The following PPTC7 variants were observed in gnomAD, a reference collection of about 807,000 sequenced individuals.
PPTC7 encodes the protein protein phosphatase targeting COQ7, also known as protein phosphatase PTC7 homolog.
Under a neutral mutation model 30.8 loss-of-function variants are expected in PPTC7, and 6 were observed. The observed-to-expected ratio is 0.19, with a 90% CI of 0.11 to 0.38. The LOEUF (loss-of-function observed/expected upper bound fraction) is 0.38. Ranked by LOEUF, PPTC7 falls within the 10% of genes least tolerant of loss-of-function variation. The pLI, the probability that PPTC7 is intolerant of heterozygous loss-of-function variation, is 1.00. For missense variants in PPTC7, 218 were observed against 404.8 expected (o/e 0.54, Z 3.96); for synonymous variants, 163 against 168.1 (o/e 0.97, Z 0.23).
chr12:110,547,023 C>A (rs1164017453), intron 2 of PPTC7, among the ~76,000 whole-genome samples: 2 of 152,148 alleles, frequency 1.3e-5, no homozygotes, highest in Non-Finnish European at 2.9e-5. Flanking sequence ...TAAAAGTAAA[C>A]AACTTTCCTG....
intron 1 of PPTC7, among the ~76,000 whole-genome samples, chr12:110,570,779 G>A (rs1231625855): frequency 6.7e-6 from 1 of 148,204 alleles, no homozygotes; most frequent in Non-Finnish European, 1.5e-5. Flanking sequence ...CCCCACAATT[G>A]TCTTGTGACC....
chr12:110,572,642 A>C (rs2064547866), intron 1 of PPTC7, among the ~76,000 whole-genome samples: 1 of 152,180 alleles, frequency 6.6e-6, no homozygotes, highest in Non-Finnish European at 1.5e-5. Flanking sequence ...GTCTCTGGCA[A>C]AGTTTTTGCA....
chr12:110,559,953 C>T (rs1347150906), intron 1 of PPTC7, among the ~76,000 whole-genome samples: 1 of 152,090 alleles, frequency 6.6e-6, no homozygotes, highest in East Asian at 1.9e-4. Context: ...GTCTTGAACT[C>T]CTAGGCTGAA....
intron 1 of PPTC7, among the ~76,000 whole-genome samples, chr12:110,575,663 T>C (rs980339235): frequency 8.1e-5 from 11 of 136,292 alleles, no homozygotes; most frequent in African/African-American, 2.9e-4. Context: ...ATCTGTAATC[T>C]ACCTTCTGCT....
intron 2 of PPTC7, among the ~76,000 whole-genome samples, chr12:110,550,712 A>C (rs911157783): frequency 5.3e-5 from 8 of 152,216 alleles, no homozygotes; most frequent in Non-Finnish European, 1.0e-4. Context: ...AGGATGCTCC[A>C]TTAGCATACC....
intron 1 of PPTC7, among the ~76,000 whole-genome samples, chr12:110,577,579 TATG>T (rs550956300): frequency 6.6e-6 from 1 of 152,214 alleles, no homozygotes; most frequent in Non-Finnish European, 1.5e-5. Flanking sequence ...ATTTTGTTCA[TATG>T]ATCTTTACAC....
chr12:110,558,393 T>C (rs1397582148), intron 1 of PPTC7, among the ~76,000 whole-genome samples: 1 of 152,206 alleles, frequency 6.6e-6, no homozygotes, highest in East Asian at 1.9e-4. Flanking sequence ...GGGCCTTGAA[T>C]GCCAAGATAA....
At chr12:110,566,082 T>C (rs2064480595) in intron 1 of PPTC7, among the ~76,000 whole-genome samples, 1 of 152,114 alleles carries the variant, frequency 6.6e-6, no homozygotes, top group South Asian at 2.1e-4. Context: ...GACCTCCAGG[T>C]AAATGTCTAT....
At chr12:110,543,983 CA>C (rs2064285223) in intron 3 of PPTC7, among the ~76,000 whole-genome samples, 1 of 152,164 alleles carries the variant, frequency 6.6e-6, no homozygotes, top group Non-Finnish European at 1.5e-5. Context: ...CACCAGTCTC[CA>C]AAAACTGTGA....
At chr12:110,564,260 C>G (rs2064461903) in intron 1 of PPTC7, among the ~76,000 whole-genome samples, 1 of 152,212 alleles carries the variant, frequency 6.6e-6, no homozygotes, top group Middle Eastern at 3.2e-3. Context: ...TTATGAATAG[C>G]AGAGACAGGG....
chr12:110,538,448 G>A (rs2064234477), intron 4 of PPTC7, among the ~76,000 whole-genome samples, 175 bp from the exon 5 acceptor site: 1 of 152,180 alleles, frequency 6.6e-6, no homozygotes, highest in African/African-American at 2.4e-5. Context: ...CAATCAGAAA[G>A]TCCTTTGCTT....
intron 1 of PPTC7, among the ~76,000 whole-genome samples, chr12:110,556,956 C>T (rs79943156): frequency 8.5e-5 from 13 of 152,154 alleles, no homozygotes; most frequent in East Asian, 3.8e-4. Context: ...AGGGGTCAGC[C>T]AGATTTCCAC....
Position 110,533,260 on chromosome 12 carries a change from T to C in PPTC7, c.*3777A>G, listed in dbSNP as rs1382885927. ...AGCACACAGATTAGTATAAATACTA[T>C]ATTTATTAAATATCTTTACAGTTTA... is the stretch of plus-strand genomic sequence containing the variant. On this transcript the variant is annotated 3_prime_UTR_variant, in exon 6 of 6. Coordinates refer to ENST00000354300, the MANE Select transcript of PPTC7 (RefSeq NM_139283.2). The C allele has an allele frequency of 6.6e-6, 1 of 152,230 alleles. No homozygotes were observed. Among genetic ancestry groups the C allele is most frequent in the Admixed American group, 6.5e-5 (1 of 15,280 alleles). The allele number at this position is 152,230 out of a possible 1,614,324, so 9.4% of individuals were successfully genotyped here.
At chr12:110,549,741 A>G (rs940295587) in intron 2 of PPTC7, among the ~76,000 whole-genome samples, 2 of 152,220 alleles carry the variant, frequency 1.3e-5, no homozygotes, top group African/African-American at 4.8e-5. Context: ...CAAAGCTTCT[A>G]AAGTGTAAAA....
chr12:110,551,907 C>T lies in PPTC7; in HGVS notation c.285G>A (p.Gly95=). ...AACGTTCACACGTCCGCATTAAAGTCCCTGAGAATTGAGATGGATCAACTC... is the reference window on the plus strand; with the variant it reads ...AACGTTCACACGTCCGCATTAAAGTTCCTGAGAATTGAGATGGATCAACTC... ...DYGVDPSQFS[G]TLMRTCERLV... is the part of the protein sequence containing the mutation. The change falls in exon 2 of 6, where the codon GGG becomes GGA. Residue 95 remains glycine (G), a synonymous_variant. Coordinates refer to ENST00000354300, the MANE Select transcript of PPTC7 (RefSeq NM_139283.2). The T allele has an allele frequency of 1.2e-6, 2 of 1,614,150 alleles. No homozygotes were observed. Among genetic ancestry groups the T allele is most frequent in the East Asian group, 4.5e-5 (2 of 44,882 alleles).
intron 1 of PPTC7, among the ~76,000 whole-genome samples, chr12:110,573,709 C>T (rs532313886): frequency 3.9e-4 from 59 of 152,082 alleles, no homozygotes; most frequent in African/African-American, 1.3e-3. Context: ...AGGCCAGGCA[C>T]GGTGGCTCAC....
rs976813935 is a variant in PPTC7, at chr12:110,544,194, C to T, written c.602+1686G>A. The stretch of plus-strand genomic sequence containing the variant: ...ATTGGAAGAATATTTAGACTTTTAC[C>T]GGTAAAAGTTACTTTTACTGCTAAA... On this transcript the variant is annotated intron_variant, in intron 3 of 5. Transcript: ENST00000354300. Among the ~76,000 whole-genome samples, 14 of 152,118 alleles carry T rather than the reference C, an allele frequency of 9.2e-5. No homozygotes were observed. In the East Asian group the frequency reaches 1.2e-3, roughly 13 times the overall value.
At chr12:110,541,155 G>A (rs561487453) in intron 3 of PPTC7, among the ~76,000 whole-genome samples, 1 of 151,708 alleles carries the variant, frequency 6.6e-6, no homozygotes, top group African/African-American at 2.4e-5. Flanking sequence ...GCCAAGGTGG[G>A]TGGATCACCT....
At chr12:110,575,640 C>T (rs1029163215) in intron 1 of PPTC7, among the ~76,000 whole-genome samples, 5 of 144,704 alleles carry the variant, frequency 3.5e-5, no homozygotes, top group Admixed American at 2.7e-4. Flanking sequence ...AAAAAAGCTC[C>T]ACAACAGCTT....
Sources: allele counts gnomAD v4.1 joint callset (sites outside exome capture counted in the v4.1 genomes callset), GRCh38; gene constraint gnomAD v4.1.1; transcripts MANE v1.5; gene names NCBI Gene and HGNC (gene_info 2026-07-23, HGNC 2026-07-21).